The following CENPP variants were observed in gnomAD, a reference collection of about 807,000 sequenced individuals.
CENPP encodes centromere protein P.
CENPP carries 24 observed loss-of-function variants against 35.6 expected under a neutral mutation model. The ratio of observed to expected loss-of-function variants is 0.67; its 90% CI spans 0.49 to 0.95. The LOEUF (loss-of-function observed/expected upper bound fraction) is 0.95. Ranked by LOEUF, CENPP falls within the 40% of genes least tolerant of loss-of-function variation. The probability of loss-of-function intolerance (pLI) is 0.00; values close to 1 mark genes in which losing one functional copy is unlikely to be tolerated. For synonymous variants in CENPP, 120 were observed against 125.5 expected, an observed-to-expected ratio of 0.96 and a Z score of 0.29; for missense variants, 332 against 345.3, an observed-to-expected ratio of 0.96 and a Z score of 0.31.
chr9:92,542,605 C>G (rs1849342124), intron 5 of CENPP, among the ~76,000 whole-genome samples: 1 of 152,074 alleles, frequency 6.6e-6, no homozygotes, highest in African/African-American at 2.4e-5. Flanking sequence ...CAATCTCTGC[C>G]TCCCGGGTTC....
chr9:92,496,660 A>C (rs1452748302), intron 5 of CENPP, among the ~76,000 whole-genome samples: 1 of 152,218 alleles, frequency 6.6e-6, no homozygotes, highest in Non-Finnish European at 1.5e-5. Context: ...CCATAGAAGC[A>C]CTAGAACAGA....
At chr9:92,535,699 C>T (rs1849127104) in intron 5 of CENPP, among the ~76,000 whole-genome samples, 1 of 151,810 alleles carries the variant, frequency 6.6e-6, no homozygotes, top group African/African-American at 2.4e-5. Flanking sequence ...TTCTATTGAA[C>T]ACATAATTCC....
chr9:92,573,576 G>A (rs369618428), intron 5 of CENPP, among the ~76,000 whole-genome samples: 25 of 152,316 alleles, frequency 1.6e-4, no homozygotes, highest in African/African-American at 5.1e-4. Flanking sequence ...CGGTCTGTCC[G>A]TTCTCAGATC....
rs1491293690 is a variant in CENPP at position 92,552,191 on chromosome 9, A to ATATGTGATATGATAGAT, written c.565-59123_565-59122insTATGTGATATGATAGAT. Among the ~76,000 whole-genome samples the ATATGTGATATGATAGAT allele has an allele frequency of 1.2e-4, 6 of 49,618 alleles. No individual in the cohort carries two copies. The African/African-American group carries it at 1.5e-3, about 12-fold the overall frequency. 32.6% of individuals were successfully genotyped at this position (49,618 alleles called of 152,430 possible). On this transcript the variant is annotated intron_variant, in intron 5 of 7. Coordinates refer to ENST00000375587, the MANE Select transcript of CENPP (RefSeq NM_001012267.3). ...ATGTGATATGATAGATCTATCATAT[A>ATATGTGATATGATAGAT]CACACACACACACACACACACACAC...
chr9:92,460,593 TAAGTC>T (rs776082307), intron 5 of CENPP: 42 of 1,339,806 alleles, frequency 3.1e-5, no homozygotes, highest in Non-Finnish European at 4.4e-5. Context: ...ATATATATGT[TAAGTC>T]AAGTATCACT....
In CENPP at chr9:92,386,311, T is replaced by A; in HGVS notation, c.564+6452T>A. 3 of 1,532,070 alleles carry A rather than the reference T, an allele frequency of 2.0e-6. No individual in the cohort carries two copies. The African/African-American group carries it at 4.1e-5, about 21-fold the overall frequency. The allele number at this position is 1,532,070 out of a possible 1,614,324, so 94.9% of individuals were successfully genotyped here. A position where few individuals can be genotyped will look rare whatever the true frequency, so the allele number is the denominator to read the frequency against. On this transcript the variant is annotated intron_variant, in intron 5 of 7. Coordinates refer to ENST00000375587, the MANE Select transcript of CENPP (RefSeq NM_001012267.3). Reference sequence around the variant, plus strand: ...TTATTCAGTTTCTGTAAGGAAAATTTCATGTGAGTGTTATTGAGGTTCTGT... The same window carrying A: ...TTATTCAGTTTCTGTAAGGAAAATTACATGTGAGTGTTATTGAGGTTCTGT...
At chr9:92,334,247 C>T (rs368119332) in intron 2 of CENPP, among the ~76,000 whole-genome samples, 1 of 151,682 alleles carries the variant, frequency 6.6e-6, no homozygotes, top group Admixed American at 6.6e-5. Flanking sequence ...CAGCCTCCCG[C>T]GTAGCTGGGA....
chr9:92,482,379 TAAG>T (rs1200692892), intron 5 of CENPP: 4 of 152,106 alleles, frequency 2.6e-5, no homozygotes, highest in African/African-American at 4.8e-5. Flanking sequence ...AGACACTGTG[TAAG>T]AAGAAAAGAT....
intron 5 of CENPP, among the ~76,000 whole-genome samples, chr9:92,598,669 T>G (rs1443374446): frequency 6.6e-6 from 1 of 151,854 alleles, no homozygotes; most frequent in Non-Finnish European, 1.5e-5. Flanking sequence ...CAGAAATTTG[T>G]ATGAGAAGCA....
At chr9:92,470,531 C>T (rs891618919) in intron 5 of CENPP, 18 of 506,698 alleles carry the variant, frequency 3.6e-5, no homozygotes, top group South Asian at 6.6e-5. Context: ...TTGACTAGAA[C>T]GCTGTTGAAT....
At chr9:92,342,983 A>G (rs1395063344) in intron 3 of CENPP, among the ~76,000 whole-genome samples, 1 of 152,232 alleles carries the variant, frequency 6.6e-6, no homozygotes, top group Non-Finnish European at 1.5e-5. Flanking sequence ...GACTGATAGA[A>G]AAAGAAATGA....
intron 5 of CENPP, chr9:92,522,490 C>A: frequency 4.9e-6 from 6 of 1,222,030 alleles, no homozygotes; most frequent in Admixed American, 3.3e-5. Context: ...AGATGTTCTC[C>A]CTCTCTCCCT....
chr9:92,368,214 T>A (rs1841933850), intron 4 of CENPP, among the ~76,000 whole-genome samples: 1 of 152,226 alleles, frequency 6.6e-6, no homozygotes, highest in African/African-American at 2.4e-5. Flanking sequence ...CTTTGTTTTC[T>A]CATGGATCAT....
chr9:92,365,411 T>C (rs1841862262), intron 4 of CENPP, among the ~76,000 whole-genome samples: 1 of 142,648 alleles, frequency 7.0e-6, no homozygotes, highest in Admixed American at 7.0e-5. Flanking sequence ...CTACTCTTTT[T>C]TTTTTTTTTT....
At chr9:92,496,798 AAAG>A (rs779995840) in intron 5 of CENPP, among the ~76,000 whole-genome samples, 3 of 152,202 alleles carry the variant, frequency 2.0e-5, no homozygotes, top group Non-Finnish European at 4.4e-5. Flanking sequence ...ACAACATGAC[AAAG>A]AAGGAGAAAG....
intron 5 of CENPP, chr9:92,403,129 G>C: frequency 1.5e-6 from 1 of 683,054 alleles, no homozygotes; most frequent in Middle Eastern, 4.2e-4. Context: ...CATTTAAAGT[G>C]ATTTTCCCTT....
chr9:92,540,557 G>T (rs1849294232), intron 5 of CENPP, among the ~76,000 whole-genome samples: 1 of 151,980 alleles, frequency 6.6e-6, no homozygotes, highest in Non-Finnish European at 1.5e-5. Flanking sequence ...TGGATCACAA[G>T]GTTAGGAGTT....
intron 5 of CENPP, among the ~76,000 whole-genome samples, chr9:92,439,349 G>T (rs1228071170): frequency 6.6e-6 from 1 of 151,818 alleles, no homozygotes; most frequent in Non-Finnish European, 1.5e-5. Flanking sequence ...AATTTAATGG[G>T]CTTATTTTTG....
chr9:92,584,146 AG>A (rs1850491279), intron 5 of CENPP, among the ~76,000 whole-genome samples: 1 of 152,156 alleles, frequency 6.6e-6, no homozygotes, highest in Non-Finnish European at 1.5e-5. Flanking sequence ...CCATTTCATG[AG>A]GTACCATTCA....
Sources: allele counts gnomAD v4.1 joint callset (sites outside exome capture counted in the v4.1 genomes callset), GRCh38; gene constraint gnomAD v4.1.1; transcripts MANE v1.5; gene names NCBI Gene and HGNC (gene_info 2026-07-23, HGNC 2026-07-21).